The following FAM53A variants were observed in gnomAD, a reference collection of about 807,000 sequenced individuals.
FAM53A encodes protein FAM53A.
A neutral mutation model predicts 26.6 loss-of-function variants in FAM53A; 28 were observed. The ratio of observed to expected loss-of-function variants is 1.05; its 90% CI spans 0.78 to 1.45. The LOEUF (loss-of-function observed/expected upper bound fraction) is 1.45. Among genes scored for constraint, FAM53A ranks in the 40% most tolerant of loss-of-function variants. The probability of loss-of-function intolerance (pLI) is 0.00; values close to 1 mark genes in which losing one functional copy is unlikely to be tolerated. For synonymous variants in FAM53A, 290 were observed against 253.1 expected, an observed-to-expected ratio of 1.15 and a Z score of -1.38; for missense variants, 650 against 575.8, an observed-to-expected ratio of 1.13 and a Z score of -1.32.
chr4:1,609,882 G>C, the FAM53A span, among the ~76,000 whole-genome samples: 1 of 152,234 alleles, frequency 6.6e-6, no homozygotes, highest in East Asian at 1.9e-4. Flanking sequence ...AGAATCGCTT[G>C]AACTCAGGAG....
downstream of FAM53A, among the ~76,000 whole-genome samples, chr4:1,636,895 C>T (rs903595783): frequency 6.8e-6 from 1 of 147,916 alleles, no homozygotes; most frequent in Non-Finnish European, 1.5e-5. Context: ...GGGGGGGGGT[C>T]CCATCTGCAG....
At position 1,641,396 on chromosome 4, in the gene FAM53A, C is replaced by T. The variant is rs202151764; in HGVS notation, c.1094G>A (p.Arg365His). 7.4e-5 allele frequency: 120 copies of T among 1,610,964 alleles called. No individual in the cohort carries two copies. The highest frequency in any genetic ancestry group is 8.8e-5 in the South Asian group (8 of 90,788). Residue 365 changes from arginine to histidine, a missense_variant, in exon 5 of 5, where the codon CGC becomes CAC. Arg to His is a conservative substitution (Grantham distance 29). Transcript: ENST00000308132. ...SRESVTSDGSRRSSGDPRDGD... is the reference protein window; with the variant it reads ...SRESVTSDGSHRSSGDPRDGD... ...ATCACGGGGGTCCCCGCTGCTCCTG[C>T]GGGAGCCATCACTGGTCACCGACTC...
Position 1,655,541 on chromosome 4 carries a change from C to T in FAM53A, c.319G>A (p.Glu107Lys). The T allele has an allele frequency of 6.4e-7, 1 of 1,562,598 alleles. No individual in the cohort carries two copies. Among genetic ancestry groups the T allele is most frequent in the Non-Finnish European group, 8.7e-7 (1 of 1,154,574 alleles). The change falls in exon 4 of 5, where the codon GAA becomes AAA. Residue 107 changes from glutamate (E) to lysine (K), a missense_variant. Glu to Lys is a moderately conservative substitution (Grantham distance 56). Coordinates refer to ENST00000308132, the MANE Select transcript of FAM53A (RefSeq NM_001174070.3). ...LGAASTVDPS[E>K]STGSSTAPPT... is the part of the protein sequence containing the mutation. ...GGGGCCGTGGACGAGCCTGTGCTTT[C>T]ACTGGGGTCCACGGTGCTGGCTGCA...
intron 1 of FAM53A, among the ~76,000 whole-genome samples, chr4:1,680,864 G>C (rs538129737): frequency 2.0e-5 from 3 of 151,996 alleles, no homozygotes; most frequent in East Asian, 3.9e-4. Context: ...AGATTTTTAA[G>C]GCAGTGAAAT....
At chr4:1,579,885 C>T in the FAM53A span, among the ~76,000 whole-genome samples, 1 of 152,242 alleles carries the variant, frequency 6.6e-6, no homozygotes, top group Admixed American at 6.5e-5. Context: ...CGTAAACTTC[C>T]TCCTAACAGC....
intron 1 of FAM53A, among the ~76,000 whole-genome samples, chr4:1,633,238 T>C (rs1037486140): frequency 6.6e-6 from 1 of 152,240 alleles, no homozygotes; most frequent in Non-Finnish European, 1.5e-5. Context: ...CAGGCTTCAT[T>C]ATTTAAACCA....
In FAM53A at chr4:1,641,341, G is replaced by A. The variant is rs750169567; in HGVS notation, c.1149C>T (p.Phe383=). 3 of 1,611,288 alleles carry A rather than the reference G, an allele frequency of 1.9e-6. No homozygotes were observed. ...DGDSVGEEGV[F]PRARWELDLE... The stretch of plus-strand genomic sequence containing the variant: ...GGTCCAGCTCCCAGCGGGCCCGGGG[G>A]AAGACGCCCTCCTCCCCGACACTGT... Residue 383 remains phenylalanine, a synonymous_variant, in exon 5 of 5, where the codon TTC becomes TTT. Transcript: ENST00000308132.
chr4:1,619,520 A>G (rs1178677100), intron 1 of FAM53A, among the ~76,000 whole-genome samples: 3 of 152,158 alleles, frequency 2.0e-5, no homozygotes, highest in African/African-American at 4.8e-5. Context: ...GGACATGGGC[A>G]CTTTCCTCCA....
chr4:1,613,113 G>A (rs1714686939), downstream of FAM53A, among the ~76,000 whole-genome samples: 1 of 152,216 alleles, frequency 6.6e-6, no homozygotes, highest in Admixed American at 6.5e-5. Context: ...AGAGAACAGA[G>A]AACAGAAAGC....
chr4:1,643,753 G>A (rs1490198807), intron 4 of FAM53A, among the ~76,000 whole-genome samples: 3 of 151,764 alleles, frequency 2.0e-5, no homozygotes, highest in African/African-American at 4.8e-5. Flanking sequence ...TTTCTGTAGC[G>A]ATGGGGTCTC....
upstream of FAM53A, among the ~76,000 whole-genome samples, chr4:1,685,241 G>A (rs1715744666): frequency 6.6e-6 from 1 of 152,178 alleles, no homozygotes; most frequent in South Asian, 2.1e-4. Context: ...AGGTGCAGGA[G>A]AACAATGCTC....
downstream of FAM53A, among the ~76,000 whole-genome samples, chr4:1,614,213 G>A (rs1714724310): frequency 6.6e-6 from 1 of 152,180 alleles, no homozygotes; most frequent in Admixed American, 6.5e-5. Context: ...GAGGCCGGCT[G>A]TGGGGCTTGT....
At chr4:1,661,539 C>G (rs375986918) in intron 2 of FAM53A, among the ~76,000 whole-genome samples, 1 of 152,176 alleles carries the variant, frequency 6.6e-6, no homozygotes, top group African/African-American at 2.4e-5. Flanking sequence ...GCTGCTGTCC[C>G]GGGCTCTCTG....
downstream of FAM53A, among the ~76,000 whole-genome samples, chr4:1,616,976 A>C (rs990849272): frequency 1.3e-5 from 2 of 152,038 alleles, no homozygotes; most frequent in East Asian, 3.9e-4. Context: ...ATCTCCACAA[A>C]AAATACAAAA....
chr4:1,676,246 C>A (rs1167203380), intron 1 of FAM53A, among the ~76,000 whole-genome samples: 2 of 152,132 alleles, frequency 1.3e-5, no homozygotes. Context: ...AGGGACTGAT[C>A]AGGCCTCCCT....
chr4:1,575,329 C>A, the FAM53A span, among the ~76,000 whole-genome samples: 4 of 152,244 alleles, frequency 2.6e-5, no homozygotes, highest in Non-Finnish European at 5.9e-5. Context: ...CCCCATCCCA[C>A]CCTGTGCCCG....
chr4:1,636,446 T>C (rs1371461592), downstream of FAM53A, among the ~76,000 whole-genome samples: 1 of 152,222 alleles, frequency 6.6e-6, no homozygotes, highest in Non-Finnish European at 1.5e-5. Flanking sequence ...GTGCATTGCT[T>C]TGGGAAACAG....
At chr4:1,685,689 G>A (rs986808022), upstream of FAM53A, among the ~76,000 whole-genome samples, 4 of 152,172 alleles carry the variant, frequency 2.6e-5, no homozygotes, top group African/African-American at 4.8e-5. Context: ...GGGCTGGGGA[G>A]GGGAGAAGGG....
intron 1 of FAM53A, among the ~76,000 whole-genome samples, chr4:1,619,942 G>T (rs1248553141): frequency 6.6e-6 from 1 of 152,312 alleles, no homozygotes; most frequent in East Asian, 1.9e-4. Flanking sequence ...GGGCGTGGTG[G>T]CTCACGCCTG....
Sources: allele counts gnomAD v4.1 joint callset (sites outside exome capture counted in the v4.1 genomes callset), GRCh38; gene constraint gnomAD v4.1.1; transcripts MANE v1.5; gene names NCBI Gene and HGNC (gene_info 2026-07-23, HGNC 2026-07-21).